DIAPH1: variants seen among roughly 807,000 people sequenced by gnomAD.
The protein encoded by DIAPH1 is protein diaphanous homolog 1.
Under a neutral mutation model 140.7 loss-of-function variants are expected in DIAPH1, and 46 were observed. The observed-to-expected ratio is 0.33, with a 90% CI of 0.26 to 0.42. The LOEUF is 0.42. Ranked by LOEUF, DIAPH1 falls within the 10% of genes least tolerant of loss-of-function variation. The pLI is 1.00. For synonymous variants in DIAPH1, 565 were observed against 551.6 expected (o/e 1.02, Z -0.34); for missense variants, 1,310 against 1,558.7 (o/e 0.84, Z 2.69).
intron 18 of DIAPH1, among the ~76,000 whole-genome samples, chr5:141,537,119 G>T (rs2099889139): frequency 2.0e-5 from 3 of 152,048 alleles, no homozygotes; most frequent in African/African-American, 7.2e-5. Context: ...AGTGAGCCAT[G>T]ACTGTGCCAC....
chr5:141,610,904 A>G (rs1244742961), intron 1 of DIAPH1, among the ~76,000 whole-genome samples: 1 of 147,316 alleles, frequency 6.8e-6, no homozygotes, highest in African/African-American at 2.5e-5. Flanking sequence ...GTGAAACCCC[A>G]CCACTATAAA....
intron 18 of DIAPH1, among the ~76,000 whole-genome samples, chr5:141,547,004 T>C (rs540825852): frequency 6.6e-6 from 1 of 152,330 alleles, no homozygotes; most frequent in South Asian, 2.1e-4. Flanking sequence ...GGGAGGATCA[T>C]TTGCCCAAAG....
chr5:141,588,277 A>G (rs911021743), intron 1 of DIAPH1, 27 bp from the exon 2 acceptor site: 6 of 1,591,028 alleles, frequency 3.8e-6, no homozygotes, highest in Non-Finnish European at 5.2e-6. Context: ...AGGAGGGAGA[A>G]GAAAGAAGAG....
At chr5:141,583,672 A>T (rs929540744) in intron 4 of DIAPH1, 57 bp from the exon 5 acceptor site, 5 of 1,600,194 alleles carry the variant, frequency 3.1e-6, no homozygotes, top group Non-Finnish European at 4.3e-6. Context: ...TAAATTAAGG[A>T]CTAGTATTAG....
chr5:141,615,162 G>A (rs1401241798), intron 1 of DIAPH1, among the ~76,000 whole-genome samples: 2 of 152,080 alleles, frequency 1.3e-5, no homozygotes, highest in African/African-American at 4.8e-5. Flanking sequence ...TTGGCCGGAC[G>A]AGGTGGCTCA....
chr5:141,605,332 T>C (rs904615860), intron 1 of DIAPH1, among the ~76,000 whole-genome samples: 1 of 152,014 alleles, frequency 6.6e-6, no homozygotes, highest in Non-Finnish European at 1.5e-5. Flanking sequence ...ATAGAGATAA[T>C]GACTAAAATA....
At chr5:141,592,087 A>G (rs1647608959) in intron 1 of DIAPH1, among the ~76,000 whole-genome samples, 1 of 151,476 alleles carries the variant, frequency 6.6e-6, no homozygotes, top group African/African-American at 2.4e-5. Context: ...GTATCAAAAA[A>G]AAAAAAAAAG....
intron 18 of DIAPH1, among the ~76,000 whole-genome samples, chr5:141,567,194 T>C (rs1206457883): frequency 6.6e-6 from 1 of 152,080 alleles, no homozygotes; most frequent in Admixed American, 6.5e-5. Context: ...GGCATAATAT[T>C]AGATCCAGTG....
intron 1 of DIAPH1, among the ~76,000 whole-genome samples, chr5:141,599,346 C>G (rs1284833932): frequency 3.3e-5 from 5 of 152,222 alleles, no homozygotes; most frequent in Non-Finnish European, 7.3e-5. Flanking sequence ...TATTTCATTA[C>G]TTTCTAAAGA....
rs1554211015 is a variant in DIAPH1 at position 141,591,712 on chromosome 5, A to ATATATTTATATATATT, written c.118-3463_118-3462insAATATATATAAATATA. 4.9e-4 allele frequency among the ~76,000 whole-genome samples: 35 copies of ATATATTTATATATATT among 71,668 alleles called. 2 individuals carry two copies. The highest frequency in any genetic ancestry group is 2.1e-3 in the Admixed American group (11 of 5,146). The allele number at this position is 71,668 out of a possible 152,430, so 47.0% of individuals were successfully genotyped here. ...GAGATGGGGATATATATATATATAT[A>ATATATTTATATATATT]TATATATATATATATGAAGGAAGAT... On this transcript the variant is annotated intron_variant, in intron 1 of 27. Coordinates refer to ENST00000389054, the MANE Select transcript of DIAPH1 (RefSeq NM_005219.5).
chr5:141,592,504 AC>A (rs1347214704), intron 1 of DIAPH1, among the ~76,000 whole-genome samples: 41 of 152,296 alleles, frequency 2.7e-4, no homozygotes, highest in African/African-American at 9.6e-4. Context: ...AACAACAACA[AC>A]AACAACAACA....
intron 18 of DIAPH1, among the ~76,000 whole-genome samples, chr5:141,551,444 T>TA (rs1035198390): frequency 1.7e-4 from 26 of 150,658 alleles, no homozygotes; most frequent in African/African-American, 3.2e-4. Flanking sequence ...CCCTGTCTCT[T>TA]AAAAAAAAAG....
rs76596088 is a variant in DIAPH1, at chr5:141,612,489, T to C, written c.117+6309A>G. Among the ~76,000 whole-genome samples, 7 of 152,354 alleles carry C rather than the reference T, an allele frequency of 4.6e-5. No homozygotes were observed. The East Asian group carries it at 1.3e-3, about 29-fold the overall frequency. ...CTCAGCAATATAAAGGATTAAGCTATTGATATATGAAAGACCACACATCAC... is the reference window on the plus strand; with the variant it reads ...CTCAGCAATATAAAGGATTAAGCTACTGATATATGAAAGACCACACATCAC... On this transcript the variant is annotated intron_variant, in intron 1 of 27. Transcript: ENST00000389054.
chr5:141,543,603 T>C (rs1009737232), intron 18 of DIAPH1, among the ~76,000 whole-genome samples: 6 of 152,232 alleles, frequency 3.9e-5, no homozygotes, highest in African/African-American at 1.4e-4. Context: ...AAAACTGGCT[T>C]TGCGTTACAT....
intron 18 of DIAPH1, among the ~76,000 whole-genome samples, chr5:141,566,922 A>AAACAAAACAC (rs1318568385): frequency 6.6e-6 from 1 of 151,886 alleles, no homozygotes; most frequent in Non-Finnish European, 1.5e-5. Flanking sequence ...AAACAAAACA[A>AAACAAAACAC]AACAAAACCA....
intron 18 of DIAPH1, among the ~76,000 whole-genome samples, chr5:141,553,621 C>T (rs143235060): frequency 0.024 from 3,597 of 151,772 alleles, 59 homozygotes; most frequent in Middle Eastern, 0.051. Flanking sequence ...CCAGCCTGGG[C>T]AACAAGAGCA....
rs148651146 is a variant in DIAPH1, at chr5:141,574,532, C to T, written c.1642-324G>A. Reference sequence around the variant, plus strand: ...AGTTATATAACTAATATATGTGCTACACAGATGATTATATAACCACATAAG... The same window carrying T: ...AGTTATATAACTAATATATGTGCTATACAGATGATTATATAACCACATAAG... On this transcript the variant is annotated intron_variant, in intron 15 of 27. Transcript: ENST00000389054. 2.9e-3 allele frequency among the ~76,000 whole-genome samples: 439 copies of T among 152,234 alleles called. 2 individuals carry two copies. The highest frequency in any genetic ancestry group is 0.01 in the African/African-American group (422 of 41,520).
At chr5:141,534,591 C>T in intron 18 of DIAPH1, 158 bp from the exon 19 acceptor site, 1 of 645,368 alleles carries the variant, frequency 1.5e-6, no homozygotes, top group Non-Finnish European at 2.8e-6. Context: ...ACCAACCACC[C>T]TTTTATTACT....
chr5:141,578,721 T>C, intron 9 of DIAPH1, 96 bp from the exon 10 acceptor site: 1 of 915,262 alleles, frequency 1.1e-6, no homozygotes, highest in Non-Finnish European at 1.8e-6. Flanking sequence ...CAATACAACC[T>C]GAAAGATACA....
Sources: gnomAD v4.1 joint callset for allele counts (sites outside exome capture counted in the v4.1 genomes callset) on GRCh38, gnomAD v4.1.1 for gene constraint, MANE v1.5 for transcripts, NCBI Gene and HGNC (gene_info 2026-07-23, HGNC 2026-07-21) for gene names.